The following SOX5 variants were observed in gnomAD, a reference collection of about 807,000 sequenced individuals.
The protein encoded by SOX5 is SRY-box transcription factor 5.
SOX5 carries 9 observed loss-of-function variants against 92.0 expected under a neutral mutation model. The ratio of observed to expected loss-of-function variants is 0.10; its 90% CI spans 0.06 to 0.17. SOX5 has a LOEUF of 0.17. Among genes scored for constraint, SOX5 ranks in the 10% least tolerant of loss-of-function variants. The pLI, the probability that SOX5 is intolerant of heterozygous loss-of-function variation, is 1.00. For synonymous variants in SOX5, 344 were observed against 336.3 expected (o/e 1.02, Z -0.25); for missense variants, 642 against 944.5 (o/e 0.68, Z 4.20).
intron 1 of SOX5, among the ~76,000 whole-genome samples, chr12:24,539,158 G>A (rs1211457708): frequency 6.6e-6 from 1 of 151,116 alleles, no homozygotes; most frequent in Non-Finnish European, 1.5e-5. Flanking sequence ...ATAAACCAAC[G>A]TGTTTAAAAA....
intron 4 of SOX5, among the ~76,000 whole-genome samples, chr12:24,167,058 T>G (rs1287127376): frequency 1.3e-5 from 2 of 152,192 alleles, no homozygotes; most frequent in Admixed American, 1.3e-4. Context: ...AAAATGTCAT[T>G]TGGATGCTAG....
chr12:24,118,916 G>T (rs1429120999), intron 4 of SOX5, among the ~76,000 whole-genome samples: 1 of 152,056 alleles, frequency 6.6e-6, no homozygotes, highest in Non-Finnish European at 1.5e-5. Flanking sequence ...TCTACAGACT[G>T]GAAAGACAAG....
At chr12:24,552,151 T>C (rs1419586274) in intron 1 of SOX5, among the ~76,000 whole-genome samples, 1 of 152,232 alleles carries the variant, frequency 6.6e-6, no homozygotes, top group African/African-American at 2.4e-5. Flanking sequence ...GTTAATGTTT[T>C]ATATACTCAA....
intron 4 of SOX5, among the ~76,000 whole-genome samples, chr12:23,985,553 G>C (rs572857499): frequency 4.6e-5 from 7 of 152,102 alleles, no homozygotes; most frequent in Non-Finnish European, 1.0e-4. Flanking sequence ...ATGACCAAAA[G>C]GTTCTGCATA....
intron 9 of SOX5, among the ~76,000 whole-genome samples, chr12:23,602,447 G>A (rs1403928930): frequency 6.6e-6 from 1 of 152,100 alleles, no homozygotes; most frequent in Non-Finnish European, 1.5e-5. Flanking sequence ...ATTAGTAGAT[G>A]CATAAATGGA....
chr12:23,947,801 G>GA lies in SOX5; in HGVS notation c.38+1762dup, dbSNP rs1048081318. Reference sequence around the variant, plus strand: ...AAGTTTAGTTTAAAAAGAGATAATTGAAAAAAAAATACAAATAAAGTTCAC... The same window carrying GA: ...AAGTTTAGTTTAAAAAGAGATAATTGAAAAAAAAAATACAAATAAAGTTCAC... On this transcript the variant is annotated intron_variant, in intron 1 of 14. Transcript: ENST00000451604. Among the ~76,000 whole-genome samples, 155 of 145,860 alleles carry GA rather than the reference G, an allele frequency of 1.1e-3. 2 individuals carry two copies. Among genetic ancestry groups the GA allele is most frequent in the African/African-American group, 3.9e-3 (147 of 37,850 alleles).
chr12:24,232,852 C>T (rs571825104), intron 3 of SOX5, among the ~76,000 whole-genome samples: 13 of 152,140 alleles, frequency 8.5e-5, no homozygotes, highest in South Asian at 6.2e-4. Context: ...TCCATATTTC[C>T]GACACTTAAA....
At chr12:24,332,002 T>A (rs1951388156) in intron 2 of SOX5, among the ~76,000 whole-genome samples, 1 of 151,420 alleles carries the variant, frequency 6.6e-6, no homozygotes, top group Non-Finnish European at 1.5e-5. Context: ...CAAGACTGCA[T>A]ATAATATGAT....
intron 8 of SOX5, 110 bp downstream of exon 8, chr12:23,640,700 CAG>C: frequency 1.3e-6 from 1 of 744,504 alleles, no homozygotes; most frequent in Non-Finnish European, 2.3e-6. Flanking sequence ...AATTTAAAAA[CAG>C]AAAGTGTGAG....
At chr12:24,488,194 T>A (rs1376912541) in intron 1 of SOX5, among the ~76,000 whole-genome samples, 1 of 150,118 alleles carries the variant, frequency 6.7e-6, no homozygotes, top group Non-Finnish European at 1.5e-5. Flanking sequence ...TTAAAAAAAA[T>A]TATTCAACTC....
At chr12:24,431,157 T>C (rs1938234612) in intron 1 of SOX5, among the ~76,000 whole-genome samples, 1 of 152,124 alleles carries the variant, frequency 6.6e-6, no homozygotes, top group Non-Finnish European at 1.5e-5. Context: ...CTGCAAATGA[T>C]AAAACTGAGG....
At chr12:24,279,975 T>C (rs1182628538) in intron 2 of SOX5, among the ~76,000 whole-genome samples, 2 of 152,142 alleles carry the variant, frequency 1.3e-5, no homozygotes, top group African/African-American at 2.4e-5. Context: ...AAGGGGTTAA[T>C]CATGCTGCTC....
At chr12:24,289,691 G>A (rs1341529752) in intron 2 of SOX5, among the ~76,000 whole-genome samples, 2 of 120,846 alleles carry the variant, frequency 1.7e-5, no homozygotes, top group African/African-American at 9.5e-5. Flanking sequence ...TCCTGACCTC[G>A]TGATCCGCCC....
intron 4 of SOX5, among the ~76,000 whole-genome samples, chr12:24,173,759 A>G (rs936860140): frequency 6.6e-6 from 1 of 152,152 alleles, no homozygotes; most frequent in African/African-American, 2.4e-5. Flanking sequence ...TCTGGGTGTG[A>G]GGCTCAGGAA....
chr12:24,181,434 T>C (rs546526313), intron 4 of SOX5, among the ~76,000 whole-genome samples: 121 of 152,338 alleles, frequency 7.9e-4, no homozygotes, highest in African/African-American at 2.9e-3. Context: ...GGTAAAACTA[T>C]AGTTTACCAA....
intron 6 of SOX5, among the ~76,000 whole-genome samples, chr12:23,733,497 A>G (rs2093469787): frequency 6.6e-6 from 1 of 152,100 alleles, no homozygotes; most frequent in Non-Finnish European, 1.5e-5. Flanking sequence ...TAAGGAGGGG[A>G]AATGTCCTCG....
intron 1 of SOX5, among the ~76,000 whole-genome samples, chr12:23,945,590 T>C (rs1944459901): frequency 6.6e-6 from 1 of 152,192 alleles, no homozygotes; most frequent in African/African-American, 2.4e-5. Flanking sequence ...GCTTGCAAAT[T>C]ATTGACACGG....
At chr12:24,071,663 T>C (rs992000946) in intron 4 of SOX5, among the ~76,000 whole-genome samples, 2 of 152,128 alleles carry the variant, frequency 1.3e-5, no homozygotes, top group Non-Finnish European at 2.9e-5. Context: ...CTCGATCTCC[T>C]GACCTCGTGA....
At chr12:24,345,528 A>G (rs1384533455) in intron 2 of SOX5, among the ~76,000 whole-genome samples, 2 of 152,232 alleles carry the variant, frequency 1.3e-5, no homozygotes, top group Non-Finnish European at 2.9e-5. Context: ...CGTTGAGAAC[A>G]GGGTAGTGGT....
Sources: gnomAD v4.1 joint callset for allele counts (sites outside exome capture counted in the v4.1 genomes callset) on GRCh38, gnomAD v4.1.1 for gene constraint, MANE v1.5 for transcripts, NCBI Gene and HGNC (gene_info 2026-07-23, HGNC 2026-07-21) for gene names.